HSPG2: variants seen among roughly 807,000 people sequenced by gnomAD.
HSPG2 encodes basement membrane-specific heparan sulfate proteoglycan core protein.
Under a neutral mutation model 526.6 loss-of-function variants are expected in HSPG2, and 278 were observed. The observed-to-expected ratio is 0.53, with a 90% CI of 0.48 to 0.58. The LOEUF (loss-of-function observed/expected upper bound fraction) is 0.58. HSPG2 is among the 20% of genes least tolerant of loss of function. The pLI, the probability that HSPG2 is intolerant of heterozygous loss-of-function variation, is 0.00. For synonymous variants in HSPG2, 2,465 were observed against 2,555.4 expected (o/e 0.96, Z 1.07); for missense variants, 5,354 against 6,099.5 (o/e 0.88, Z 4.07).
intron 37 of HSPG2, among the ~76,000 whole-genome samples, chr1:21,863,696 C>T (rs1166798112): frequency 6.9e-6 from 1 of 143,962 alleles, no homozygotes; most frequent in Non-Finnish European, 1.5e-5. Context: ...GACTGAGACC[C>T]TGTCTCAAAA....
intron 1 of HSPG2, among the ~76,000 whole-genome samples, chr1:21,930,826 A>G (rs1305502955): frequency 6.6e-6 from 1 of 152,156 alleles, no homozygotes; most frequent in Non-Finnish European, 1.5e-5. Context: ...GATGCTCCAC[A>G]GATATTTGTG....
intron 33 of HSPG2, chr1:21,870,252 C>T: frequency 1.0e-6 from 1 of 986,096 alleles, no homozygotes. Flanking sequence ...CCTCTGGGGG[C>T]TCTGGGATCC....
At chr1:21,919,905 G>C (rs1413549417) in intron 1 of HSPG2, among the ~76,000 whole-genome samples, 1 of 152,108 alleles carries the variant, frequency 6.6e-6, no homozygotes, top group Non-Finnish European at 1.5e-5. Flanking sequence ...CTAAGGGACT[G>C]GAACTGTTTT....
Position 21,857,067 on chromosome 1 carries a change from G to A in HSPG2, c.5523C>T (p.Thr1841=), listed in dbSNP as rs371342914. The A allele has an allele frequency of 1.0e-4, 169 of 1,614,136 alleles. No individual in the cohort carries two copies. Among genetic ancestry groups the A allele is most frequent in the African/African-American group, 2.9e-4 (22 of 75,006 alleles). Residue 1841 remains threonine (T), a synonymous_variant, in exon 44 of 97, where the codon ACC becomes ACT. Coordinates refer to ENST00000374695, the MANE Select transcript of HSPG2 (RefSeq NM_005529.7). ...GGTCCATGGCAAACATGTTGGAGCCGGTGCACACGTAGGTGCCTGCATCAC... is the reference window on the plus strand; with the variant it reads ...GGTCCATGGCAAACATGTTGGAGCCAGTGCACACGTAGGTGCCTGCATCAC... ...QLSDAGTYVC[T]GSNMFAMDQG...
intron 42 of HSPG2, 88 bp from the exon 43 acceptor site, chr1:21,857,473 A>T: frequency 8.6e-7 from 1 of 1,167,832 alleles, no homozygotes; most frequent in Non-Finnish European, 1.3e-6. Flanking sequence ...ACCTCTAGGC[A>T]TCACTTCCTT....
Position 21,864,248 on chromosome 1 carries a change from A to G in HSPG2, c.4627-35T>C. 1 of 1,511,926 alleles carries G rather than the reference A, an allele frequency of 6.6e-7. No homozygotes were observed. Among genetic ancestry groups the G allele is most frequent in the Non-Finnish European group, 9.0e-7 (1 of 1,112,456 alleles). 93.7% of individuals were successfully genotyped at this position (1,511,926 alleles called of 1,614,324 possible). A position where few individuals can be genotyped will look rare whatever the true frequency, so the allele number is the denominator to read the frequency against. Reference sequence around the variant, plus strand: ...GAGAGGAAGGTTGGCCTCTGTTCCCAACGTGCCCCACCCACAGCCAGCAGA... The same window carrying G: ...GAGAGGAAGGTTGGCCTCTGTTCCCGACGTGCCCCACCCACAGCCAGCAGA... On this transcript the variant is annotated intron_variant, in intron 36 of 96. Transcript: ENST00000374695. This position sits in a 1 kb window ranked among gnomAD's most constrained non-coding sequence, Gnocchi z 4.8.
intron 16 of HSPG2, 25 bp from the exon 17 acceptor site, chr1:21,880,279 C>G (rs762657539): frequency 1.2e-6 from 2 of 1,614,078 alleles, no homozygotes; most frequent in Non-Finnish European, 1.7e-6. Context: ...CCAAAAGAGT[C>G]GCTGCAAGGA....
At position 21,848,461 on chromosome 1, in the gene HSPG2, T is replaced by C. The variant is rs1638625463; in HGVS notation, c.7737+182A>G. On this transcript the variant is annotated intron_variant, in intron 59 of 96. Coordinates refer to ENST00000374695, the MANE Select transcript of HSPG2 (RefSeq NM_005529.7). This position sits in a 1 kb window ranked among gnomAD's most constrained non-coding sequence, Gnocchi z 4.9. ...GTGAGATTTGGTGCAGAAGTGGATCTCCCTGAGGTCAGGGAGCCTTATTTC... is the reference window on the plus strand; with the variant it reads ...GTGAGATTTGGTGCAGAAGTGGATCCCCCTGAGGTCAGGGAGCCTTATTTC... 6.6e-6 allele frequency among the ~76,000 whole-genome samples: 1 copy of C among 152,092 alleles called. No individual in the cohort carries two copies. The highest frequency in any genetic ancestry group is 2.4e-5 in the African/African-American group (1 of 41,422).
chr1:21,907,930 T>C (rs556237217), intron 1 of HSPG2, among the ~76,000 whole-genome samples: 1 of 152,352 alleles, frequency 6.6e-6, no homozygotes, highest in South Asian at 2.1e-4. Flanking sequence ...CGTTTCCTCA[T>C]GTGTAAAATG....
chr1:21,872,417 G>A lies in HSPG2; in HGVS notation c.4030-40C>T, dbSNP rs776147673. On this transcript the variant is annotated intron_variant, in intron 32 of 96. Transcript: ENST00000374695. The surrounding 1 kb of genome is among the most constrained non-coding windows in gnomAD (Gnocchi z 5.5). Reference sequence around the variant, plus strand: ...AGGAGGGGGCGTCAGCCTGAGCACCGGGGTGCCTTGGTGGGGGATGGGGCA... The same window carrying A: ...AGGAGGGGGCGTCAGCCTGAGCACCAGGGTGCCTTGGTGGGGGATGGGGCA... The A allele has an allele frequency of 1.5e-5, 23 of 1,527,250 alleles. No homozygotes were observed. The highest frequency in any genetic ancestry group is 9.6e-5 in the African/African-American group (7 of 72,724). 94.6% of individuals were successfully genotyped at this position (1,527,250 alleles called of 1,614,324 possible).
chr1:21,865,110 G>A lies in HSPG2; in HGVS notation c.4396-37C>T, dbSNP rs1640125187. 1 of 1,541,100 alleles carries A rather than the reference G, an allele frequency of 6.5e-7. No individual in the cohort carries two copies. The highest frequency in any genetic ancestry group is 2.3e-5 in the East Asian group (1 of 42,560). ...GTGGCAACGTGGGCGGGGGCAGTGGGCTTTGTGGGCTGCTCCTACAGTTAC... is the reference window on the plus strand; with the variant it reads ...GTGGCAACGTGGGCGGGGGCAGTGGACTTTGTGGGCTGCTCCTACAGTTAC... On this transcript the variant is annotated intron_variant, in intron 35 of 96. Transcript: ENST00000374695. This position sits in a 1 kb window ranked among gnomAD's most constrained non-coding sequence, Gnocchi z 5.4.
chr1:21,823,357 G>C lies in HSPG2; in HGVS notation c.13135C>G (p.Arg4379Gly), dbSNP rs576049096. The C allele has an allele frequency of 1.3e-6, 2 of 1,545,232 alleles. No individual in the cohort carries two copies. The highest frequency in any genetic ancestry group is 3.9e-5 in the Admixed American group (2 of 51,580). Residue 4379 changes from arginine to glycine, a missense_variant, in exon 97 of 97, where the codon CGC becomes GGC. Arg to Gly is a moderately radical substitution (Grantham distance 125, BLOSUM62 -2). Coordinates refer to ENST00000374695, the MANE Select transcript of HSPG2 (RefSeq NM_005529.7). ...PPPQPLDLQH[R>G]AQAGANTRPC... ...CGTGTGTTGGCCCCGGCCTGGGCGC[G>C]GTGCTGCAGGTCCAGGGGCTGTGGG...
chr1:21,846,344 G>A (rs930980954), intron 63 of HSPG2, 89 bp from the exon 64 acceptor site: 1 of 1,605,738 alleles, frequency 6.2e-7, no homozygotes, highest in Non-Finnish European at 8.5e-7. Context: ...TCTGACACAG[G>A]GGGGTACTGC....
At chr1:21,905,170 CCCACA>C (rs1557816014) in intron 1 of HSPG2, among the ~76,000 whole-genome samples, 2 of 85,944 alleles carry the variant, frequency 2.3e-5, no homozygotes, top group African/African-American at 6.9e-5. Context: ...CCACCACCCA[CCCACA>C]CACACACACA....
In HSPG2 at chr1:21,839,341, G is replaced by T; in HGVS notation, c.9889+30C>A. The stretch of plus-strand genomic sequence containing the variant: ...AGTCGGGGGGCTCAGATCTCCATTT[G>T]GTGCAGACAAAGAAGGGATGAGGCC... On this transcript the variant is annotated intron_variant, in intron 73 of 96. Coordinates refer to ENST00000374695, the MANE Select transcript of HSPG2 (RefSeq NM_005529.7). This position sits in a 1 kb window ranked among gnomAD's most constrained non-coding sequence, Gnocchi z 4.5. 6.2e-7 allele frequency: 1 copy of T among 1,604,336 alleles called. No homozygotes were observed. The highest frequency in any genetic ancestry group is 1.1e-5 in the South Asian group (1 of 90,950).
chr1:21,912,150 A>G (rs1440685704), intron 1 of HSPG2, among the ~76,000 whole-genome samples: 1 of 152,152 alleles, frequency 6.6e-6, no homozygotes, highest in Non-Finnish European at 1.5e-5. Flanking sequence ...ACCACTGTTA[A>G]CTGTTGACTG....
chr1:21,902,647 T>C (rs12093833), intron 1 of HSPG2, among the ~76,000 whole-genome samples: 1,800 of 152,306 alleles, frequency 0.012, 36 homozygotes, highest in African/African-American at 0.041. Context: ...AGGGCCCTGC[T>C]TCTGACCTCT....
rs770531584 is a variant in HSPG2 at position 21,846,109 on chromosome 1, G to T, written c.8463C>A (p.Pro2821=). The change falls in exon 64 of 97, where the codon CCC becomes CCA. Residue 2821 remains proline, a splice_region_variant and synonymous_variant. Transcript: ENST00000374695. ...EASGSSAVHV[P]APGGAPPIRI... Reference sequence around the variant, plus strand: ...CCGTCCCACTGCAGGGACCCTCACCGGGGACGTGGACAGCACTTGAGCCAG... The same window carrying T: ...CCGTCCCACTGCAGGGACCCTCACCTGGGACGTGGACAGCACTTGAGCCAG... 1 of 1,612,466 alleles carries T rather than the reference G, an allele frequency of 6.2e-7. No homozygotes were observed. Among genetic ancestry groups the T allele is most frequent in the Non-Finnish European group, 8.5e-7 (1 of 1,180,014 alleles).
At chr1:21,875,302 C>T (rs570464871) in intron 25 of HSPG2, 33 of 594,430 alleles carry the variant, frequency 5.6e-5, no homozygotes, top group African/African-American at 2.0e-4. Context: ...GATCACTCTC[C>T]GGCGAATGAC....
Sources: gnomAD v4.1 joint callset for allele counts (sites outside exome capture counted in the v4.1 genomes callset) on GRCh38, gnomAD v4.1.1 for gene constraint, Gnocchi (gnomAD v3.1) non-coding constraint, MANE v1.5 for transcripts, NCBI Gene and HGNC (gene_info 2026-07-23, HGNC 2026-07-21) for gene names.